The following ARHGAP24 variants were observed in gnomAD, a reference collection of about 807,000 sequenced individuals.
The protein encoded by ARHGAP24 is Rho GTPase activating protein 24, also known as rho GTPase-activating protein 24.
In ARHGAP24, 50 loss-of-function variants were observed where a neutral mutation model predicts 76.4. That is an observed-to-expected ratio of 0.65 (90% CI 0.52 to 0.83). ARHGAP24 has a LOEUF of 0.83. Ranked by LOEUF, ARHGAP24 falls within the 40% of genes least tolerant of loss-of-function variation. ARHGAP24 has a pLI of 0.00. For missense variants in ARHGAP24, 930 were observed against 914.2 expected (o/e 1.02, Z -0.22); for synonymous variants, 345 against 323.3 (o/e 1.07, Z -0.72).
intron 4 of ARHGAP24, among the ~76,000 whole-genome samples, chr4:85,934,988 G>A (rs776570460): frequency 6.6e-6 from 1 of 152,146 alleles, no homozygotes; most frequent in African/African-American, 2.4e-5. Flanking sequence ...TTCAATCAGG[G>A]ATTCAAGATC....
At chr4:85,986,544 TG>T (rs1447449987) in intron 8 of ARHGAP24, among the ~76,000 whole-genome samples, 1 of 152,034 alleles carries the variant, frequency 6.6e-6, no homozygotes, top group Non-Finnish European at 1.5e-5. Context: ...GGAATAAAAA[TG>T]CAAGCAAAAT....
chr4:85,823,281 C>T lies in ARHGAP24; in HGVS notation c.269-100367C>T, dbSNP rs143145046. On this transcript the variant is annotated intron_variant, in intron 3 of 9. Coordinates refer to ENST00000395184, the MANE Select transcript of ARHGAP24 (RefSeq NM_001025616.3). ...TATATTGAATATTTATTACAAAATT[C>T]GGATCATATTGTACCTACTATTTTC... Among the ~76,000 whole-genome samples, 1,438 of 152,176 alleles carry T rather than the reference C, an allele frequency of 9.4e-3. 16 individuals carry two copies. Among genetic ancestry groups the T allele is most frequent in the African/African-American group, 0.03 (1,245 of 41,504 alleles).
intron 9 of ARHGAP24, among the ~76,000 whole-genome samples, chr4:85,999,510 G>T (rs1002823935): frequency 5.9e-5 from 9 of 152,128 alleles, no homozygotes; most frequent in Non-Finnish European, 1.3e-4. Context: ...AAAATAATCA[G>T]ATATCTGAGA....
chr4:85,713,943 A>G (rs1300767583), intron 2 of ARHGAP24, among the ~76,000 whole-genome samples: 2 of 152,174 alleles, frequency 1.3e-5, no homozygotes, highest in African/African-American at 4.8e-5. Context: ...ATACATGTAT[A>G]TTAAGAAAGC....
chr4:85,757,409 C>T (rs1045012242), intron 3 of ARHGAP24, among the ~76,000 whole-genome samples: 8 of 151,880 alleles, frequency 5.3e-5, no homozygotes, highest in South Asian at 2.1e-4. Context: ...ATGTTCCCCA[C>T]CCTGTGTCCA....
chr4:85,674,118 C>T (rs1217133778), intron 2 of ARHGAP24, among the ~76,000 whole-genome samples: 1 of 152,104 alleles, frequency 6.6e-6, no homozygotes, highest in Admixed American at 6.5e-5. Context: ...CAATCTTTAG[C>T]ATTCATCAGA....
At chr4:85,496,379 G>T (rs1723584577) in intron 1 of ARHGAP24, among the ~76,000 whole-genome samples, 1 of 152,248 alleles carries the variant, frequency 6.6e-6, no homozygotes, top group Non-Finnish European at 1.5e-5. Context: ...GCAGAAATAG[G>T]TCTATCACAG....
intron 1 of ARHGAP24, among the ~76,000 whole-genome samples, chr4:85,501,429 A>G (rs568048042): frequency 6.6e-6 from 1 of 152,294 alleles, no homozygotes; most frequent in South Asian, 2.1e-4. Context: ...AACTGGCTTG[A>G]GATGGTATCT....
Position 85,570,574 on chromosome 4 carries a change from C to T in ARHGAP24, c.33C>T (p.Pro11=). MEENNDSTEN[P]QQGQGRQNAI... ...AGAACAATGACTCCACGGAGAACCC[C>T]CAACAAGGCCAAGGGCGGCAGAATG... Residue 11 remains proline, a synonymous_variant, in exon 2 of 10, where the codon CCC becomes CCT. Transcript: ENST00000395184. The T allele has an allele frequency of 6.2e-7, 1 of 1,614,050 alleles. No individual in the cohort carries two copies. The highest frequency in any genetic ancestry group is 8.5e-7 in the Non-Finnish European group (1 of 1,180,010).
chr4:85,547,886 G>T (rs1725980326), intron 1 of ARHGAP24, among the ~76,000 whole-genome samples: 1 of 152,092 alleles, frequency 6.6e-6, no homozygotes, highest in East Asian at 1.9e-4. Flanking sequence ...ACTAGTTTTT[G>T]CATCCATTGT....
Position 85,995,537 on chromosome 4 carries a change from A to T in ARHGAP24, c.1883A>T (p.Asp628Val), listed in dbSNP as rs373734849. Residue 628 changes from aspartate (D) to valine (V), a missense_variant, in exon 9 of 10, where the codon GAC (aspartate) becomes GTC (valine). By Grantham distance (152) the Asp-to-Val change is radical. Transcript: ENST00000395184. ...GRSSRATSSS[D>V]NSETFVGNSS... Reference sequence around the variant, plus strand: ...AGTAGTCGTGCCACCAGTAGCAGTGACAACAGTGAGACATTTGTGGGCAAC... The same window carrying T: ...AGTAGTCGTGCCACCAGTAGCAGTGTCAACAGTGAGACATTTGTGGGCAAC... The T allele has an allele frequency of 6.2e-7, 1 of 1,610,252 alleles. No homozygotes were observed. The highest frequency in any genetic ancestry group is 8.5e-7 in the Non-Finnish European group (1 of 1,177,518).
At chr4:85,496,800 T>C (rs1162269901) in intron 1 of ARHGAP24, among the ~76,000 whole-genome samples, 1 of 152,254 alleles carries the variant, frequency 6.6e-6, no homozygotes, top group Non-Finnish European at 1.5e-5. Flanking sequence ...TGGTGACAGG[T>C]CAAAAACCTT....
chr4:85,911,708 T>C (rs547614326), intron 3 of ARHGAP24, among the ~76,000 whole-genome samples: 20 of 152,330 alleles, frequency 1.3e-4, no homozygotes, highest in Admixed American at 1.1e-3. Context: ...TTTGTGATGA[T>C]TCCCTAAATT....
chr4:85,745,328 A>G (rs1326884780), intron 3 of ARHGAP24, among the ~76,000 whole-genome samples: 1 of 147,754 alleles, frequency 6.8e-6, no homozygotes, highest in Non-Finnish European at 1.5e-5. Flanking sequence ...ATGTATATAT[A>G]CATATATACA....
chr4:85,489,526 C>G (rs1723276529), intron 1 of ARHGAP24, among the ~76,000 whole-genome samples: 1 of 152,148 alleles, frequency 6.6e-6, no homozygotes, highest in African/African-American at 2.4e-5. Flanking sequence ...CCAGTTGGCC[C>G]TGCAGCTCAT....
At chr4:85,694,501 C>A (rs1396405063) in intron 2 of ARHGAP24, among the ~76,000 whole-genome samples, 1 of 152,048 alleles carries the variant, frequency 6.6e-6, no homozygotes, top group Non-Finnish European at 1.5e-5. Flanking sequence ...ATGGATAAAA[C>A]CTTTAGTATT....
At position 85,755,626 on chromosome 4, in the gene ARHGAP24, G is replaced by GTTTTTTTTTTTTT. The variant is rs111410344; in HGVS notation, c.268+33658_268+33659insTTTTTTTTTTTTT. 6.0e-4 allele frequency among the ~76,000 whole-genome samples: 70 copies of GTTTTTTTTTTTTT among 117,368 alleles called. 16 individuals carry two copies. Among genetic ancestry groups the GTTTTTTTTTTTTT allele is most frequent in the Middle Eastern group, 0.011 (2 of 190 alleles). 77.0% of individuals were successfully genotyped at this position (117,368 alleles called of 152,430 possible). A position where few individuals can be genotyped will look rare whatever the true frequency, so the allele number is the denominator to read the frequency against. ...TTCTATGGGAAGCTTCTATTCTTTT[G>GTTTTTTTTTTTTT]TTTTGTTTTGTTTTGTTTTGTTTTG... On this transcript the variant is annotated intron_variant, in intron 3 of 9. Transcript: ENST00000395184.
chr4:85,491,335 A>G (rs1723350115), intron 1 of ARHGAP24, among the ~76,000 whole-genome samples: 1 of 152,182 alleles, frequency 6.6e-6, no homozygotes, highest in African/African-American at 2.4e-5. Context: ...GTTATCTCTC[A>G]TTTCCTCTGC....
At chr4:85,883,221 G>A (rs1170278344) in intron 3 of ARHGAP24, among the ~76,000 whole-genome samples, 1 of 152,144 alleles carries the variant, frequency 6.6e-6, no homozygotes, top group Non-Finnish European at 1.5e-5. Context: ...GCAAGAAGAG[G>A]AACTTCAAAA....
Sources: allele counts gnomAD v4.1 joint callset (sites outside exome capture counted in the v4.1 genomes callset), GRCh38; gene constraint gnomAD v4.1.1; transcripts MANE v1.5; gene names NCBI Gene and HGNC (gene_info 2026-07-23, HGNC 2026-07-21).